Variants in DHX9 observed in about 807,000 individuals in gnomAD.
DHX9 encodes DExH-box helicase 9.
DHX9 carries 27 observed loss-of-function variants against 148.7 expected under a neutral mutation model. That is an observed-to-expected ratio of 0.18 (90% CI 0.13 to 0.25). The LOEUF is 0.25. Ranked by LOEUF, DHX9 falls within the 10% of genes least tolerant of loss-of-function variation. The probability of loss-of-function intolerance (pLI) is 1.00; values close to 1 mark genes in which losing one functional copy is unlikely to be tolerated. For synonymous variants in DHX9, 529 were observed against 516.6 expected, an observed-to-expected ratio of 1.02 and a Z score of -0.33; for missense variants, 796 against 1,559.6, an observed-to-expected ratio of 0.51 and a Z score of 8.25.
intron 3 of DHX9, among the ~76,000 whole-genome samples, chr1:182,845,731 A>T (rs1339151142): frequency 6.6e-6 from 1 of 152,182 alleles, no homozygotes; most frequent in African/African-American, 2.4e-5. Flanking sequence ...GGTTTTCATG[A>T]CTGCCTCTTT....
In DHX9 at chr1:182,858,907, T is replaced by C. The variant is rs756094689; in HGVS notation, c.1062+13T>C. 4 of 1,613,734 alleles carry C rather than the reference T, an allele frequency of 2.5e-6. No homozygotes were observed. The highest frequency in any genetic ancestry group is 3.3e-5 in the Admixed American group (2 of 59,944). ...GCCTCTGGCTTTTGTGAGTGCAATA[T>C]TGTTTTTGAGATCAGAGTCTTGTGT... On this transcript the variant is annotated intron_variant, in intron 10 of 27. Transcript: ENST00000367549.
chr1:182,875,835 C>T (rs1427296199), intron 16 of DHX9, among the ~76,000 whole-genome samples: 2 of 152,112 alleles, frequency 1.3e-5, no homozygotes, highest in East Asian at 1.9e-4. Flanking sequence ...TTAGTCCTAT[C>T]CTGTGAGAAA....
At chr1:182,847,548 T>C (rs1668055076) in intron 3 of DHX9, among the ~76,000 whole-genome samples, 2 of 152,140 alleles carry the variant, frequency 1.3e-5, no homozygotes, top group Non-Finnish European at 2.9e-5. Context: ...TGTACATGAG[T>C]GGTTTTCAAG....
intron 17 of DHX9, 86 bp from the exon 18 acceptor site, chr1:182,876,361 A>G (rs1648759996): frequency 1.3e-6 from 2 of 1,559,098 alleles, no homozygotes; most frequent in African/African-American, 1.4e-5. Flanking sequence ...TATTGTTTCT[A>G]CTTTCGAATA....
chr1:182,875,953 G>A lies in DHX9; in HGVS notation c.1816-97G>A, dbSNP rs116382113. On this transcript the variant is annotated intron_variant, in intron 16 of 27. Coordinates refer to ENST00000367549, the MANE Select transcript of DHX9 (RefSeq NM_001357.5). ...TGACTAGTCAACTAGAATAAATAAT[G>A]ACATTACAAGTAATTAGAGTCACTA... is the stretch of plus-strand genomic sequence containing the variant. 971 of 897,986 alleles carry A rather than the reference G, an allele frequency of 1.1e-3. 11 individuals carry two copies. In the African/African-American group the frequency reaches 0.015, roughly 14 times the overall value. 55.6% of individuals were successfully genotyped at this position (897,986 alleles called of 1,614,324 possible). A position where few individuals can be genotyped will look rare whatever the true frequency, so the allele number is the denominator to read the frequency against.
At chr1:182,866,698 G>C in intron 13 of DHX9, 113 bp downstream of exon 13, 1 of 1,344,284 alleles carries the variant, frequency 7.4e-7, no homozygotes, top group Non-Finnish European at 1.0e-6. Flanking sequence ...CAGATTTCTT[G>C]TTTAAATAAA....
At chr1:182,850,080 C>T (rs2102593262) in intron 3 of DHX9, among the ~76,000 whole-genome samples, 1 of 147,696 alleles carries the variant, frequency 6.8e-6, no homozygotes, top group South Asian at 2.2e-4. Flanking sequence ...GCACTGGATT[C>T]TCTAATTATC....
chr1:182,851,822 T>G (rs1480232054), intron 3 of DHX9, among the ~76,000 whole-genome samples: 1 of 152,180 alleles, frequency 6.6e-6, no homozygotes, highest in Non-Finnish European at 1.5e-5. Flanking sequence ...TTTGAAAAAG[T>G]ATTTGATAAA....
At chr1:182,884,561 C>G (rs1649233152) in intron 26 of DHX9, 52 bp from the exon 27 acceptor site, 1 of 1,515,520 alleles carries the variant, frequency 6.6e-7, no homozygotes, top group South Asian at 1.2e-5. Context: ...AGATAATGGT[C>G]TTTTTCTACA....
At chr1:182,865,050 A>C (rs1251141351) in intron 12 of DHX9, among the ~76,000 whole-genome samples, 1 of 152,198 alleles carries the variant, frequency 6.6e-6, no homozygotes, top group Non-Finnish European at 1.5e-5. Context: ...TCTTTCTAGA[A>C]GCCAGCTGTT....
Position 182,877,940 on chromosome 1 carries a change from A to G in DHX9, c.2199-81A>G, listed in dbSNP as rs546800754. 2,079 of 1,485,746 alleles carry G rather than the reference A, an allele frequency of 1.4e-3. 2 individuals carry two copies. Among genetic ancestry groups the G allele is most frequent in the Non-Finnish European group, 1.8e-3 (1,997 of 1,085,950 alleles). The allele number at this position is 1,485,746 out of a possible 1,614,324, so 92.0% of individuals were successfully genotyped here. A position where few individuals can be genotyped will look rare whatever the true frequency, so the allele number is the denominator to read the frequency against. On this transcript the variant is annotated intron_variant, in intron 19 of 27. Coordinates refer to ENST00000367549, the MANE Select transcript of DHX9 (RefSeq NM_001357.5). ...GGTATGGCTTTAACTACATAGTGGA[A>G]AGCATTCACTACTTAGTGGATATAT...
In DHX9 at chr1:182,879,910, G is replaced by A. The variant is rs139546804; in HGVS notation, c.2512+500G>A. The stretch of plus-strand genomic sequence containing the variant: ...CCGGCTAATTTTTATATTTTACTAA[G>A]ACAGGGTTTCACCATGTTGGCCAGG... On this transcript the variant is annotated intron_variant, in intron 21 of 27. Coordinates refer to ENST00000367549, the MANE Select transcript of DHX9 (RefSeq NM_001357.5). Among the ~76,000 whole-genome samples the A allele has an allele frequency of 5.8e-3, 886 of 152,150 alleles. 12 individuals are homozygous for A. The highest frequency in any genetic ancestry group is 0.019 in the African/African-American group (787 of 41,498).
chr1:182,866,881 T>C, intron 13 of DHX9, 80 bp from the exon 14 acceptor site: 1 of 1,082,270 alleles, frequency 9.2e-7, no homozygotes, highest in Non-Finnish European at 1.4e-6. Context: ...CTGGGGTCTC[T>C]TAGTTGAAAT....
intron 16 of DHX9, chr1:182,875,161 ATC>A: frequency 1.7e-6 from 1 of 594,030 alleles, no homozygotes; most frequent in Non-Finnish European, 3.2e-6. Flanking sequence ...AAGTTAAATT[ATC>A]TCTGGCGTAA....
chr1:182,879,421 A>C lies in DHX9; in HGVS notation c.2512+11A>C. ...AACACACTCTTAGAGGTACTTACAA[A>C]TACAAACCTACTTGACGCAGATATT... On this transcript the variant is annotated intron_variant, in intron 21 of 27. Coordinates refer to ENST00000367549, the MANE Select transcript of DHX9 (RefSeq NM_001357.5). The C allele has an allele frequency of 7.0e-7, 1 of 1,436,728 alleles. No individual in the cohort carries two copies. The highest frequency in any genetic ancestry group is 9.3e-7 in the Non-Finnish European group (1 of 1,076,300). The allele number at this position is 1,436,728 out of a possible 1,614,324, so 89.0% of individuals were successfully genotyped here.
intron 14 of DHX9, among the ~76,000 whole-genome samples, chr1:182,872,093 A>C (rs1283683063): frequency 6.6e-6 from 1 of 152,222 alleles, no homozygotes; most frequent in Non-Finnish European, 1.5e-5. Flanking sequence ...GGTGTGAGCC[A>C]CTGGGCCTGG....
chr1:182,844,541 T>G lies in DHX9; in HGVS notation c.252+1107T>G, dbSNP rs528796697. ...TTTTTAAGAAATAAGGTTTTTTTTG[T>G]TTGTTTGTTTGTTTTGTTTTTTAAG... On this transcript the variant is annotated intron_variant, in intron 3 of 27. Coordinates refer to ENST00000367549, the MANE Select transcript of DHX9 (RefSeq NM_001357.5). Among the ~76,000 whole-genome samples, 275 of 151,864 alleles carry G rather than the reference T, an allele frequency of 1.8e-3. 1 individual carries two copies. The highest frequency in any genetic ancestry group is 6.4e-3 in the African/African-American group (266 of 41,394).
Position 182,879,271 on chromosome 1 carries a change from A to G in DHX9, c.2373A>G (p.Pro791=). 6.6e-7 allele frequency: 1 copy of G among 1,515,686 alleles called. No individual in the cohort carries two copies. The highest frequency in any genetic ancestry group is 1.3e-5 in the South Asian group (1 of 77,112). 93.9% of individuals were successfully genotyped at this position (1,515,686 alleles called of 1,614,324 possible). ...TTAGACTTGAAACCCACATGACACCAGAGATGTTCCGAACACCATTGCATG... is the reference window on the plus strand; with the variant it reads ...TTAGACTTGAAACCCACATGACACCGGAGATGTTCCGAACACCATTGCATG... ...RFERLETHMT[P]EMFRTPLHEI... Residue 791 remains proline (P), a synonymous_variant, in exon 21 of 28, where the codon CCA becomes CCG. Transcript: ENST00000367549.
chr1:182,858,403 T>C (rs1668294124), intron 8 of DHX9, 148 bp from the exon 9 acceptor site: 3 of 1,030,390 alleles, frequency 2.9e-6, no homozygotes, highest in Non-Finnish European at 4.3e-6. Flanking sequence ...TAATAGGCAG[T>C]GAGTAAATAA....
Sources: gnomAD v4.1 joint callset for allele counts (sites outside exome capture counted in the v4.1 genomes callset) on GRCh38, gnomAD v4.1.1 for gene constraint, MANE v1.5 for transcripts, NCBI Gene and HGNC (gene_info 2026-07-23, HGNC 2026-07-21) for gene names.